The following CARD14 variants were observed in gnomAD, a reference collection of about 807,000 sequenced individuals.
CARD14 encodes the protein caspase recruitment domain-containing protein 14.
Under a neutral mutation model 111.5 loss-of-function variants are expected in CARD14, and 107 were observed. That is an observed-to-expected ratio of 0.96 (90% CI 0.82 to 1.13). The LOEUF is 1.13. Ranked by LOEUF, CARD14 falls within the 50% of genes most tolerant of loss-of-function variation. CARD14 has a pLI of 0.00. For synonymous variants in CARD14, 617 were observed against 579.6 expected (o/e 1.06, Z -0.93); for missense variants, 1,322 against 1,362.3 (o/e 0.97, Z 0.47).
rs531888447 is a variant in CARD14, at chr17:80,195,294, G to A, written c.1460G>A (p.Arg487Gln). 22 of 1,612,896 alleles carry A rather than the reference G, an allele frequency of 1.4e-5. No homozygotes were observed. The highest frequency in any genetic ancestry group is 1.1e-4 in the South Asian group (10 of 91,062). ...CCCAGCCAGCAGTCCCTGTACAAGCGGGTGGCCGAGGACTTCGGGGAAGAA... is the reference window on the plus strand; with the variant it reads ...CCCAGCCAGCAGTCCCTGTACAAGCAGGTGGCCGAGGACTTCGGGGAAGAA... Reference protein sequence around the residue: ...APPSQQSLYKRVAEDFGEEPW... With the variant: ...APPSQQSLYKQVAEDFGEEPW... The change falls in exon 13 of 24, where the codon CGG becomes CAG. Residue 487 changes from arginine to glutamine, a missense_variant. Arg to Gln is a conservative substitution (Grantham distance 43). Coordinates refer to ENST00000648509, the MANE Select transcript of CARD14 (RefSeq NM_001366385.1). The surrounding 1 kb of genome is among the most constrained non-coding windows in gnomAD (Gnocchi z 4.7).
At chr17:80,185,422 A>AAT (rs2040314208) in intron 7 of CARD14, among the ~76,000 whole-genome samples, 1 of 152,074 alleles carries the variant, frequency 6.6e-6, no homozygotes, top group Admixed American at 6.6e-5. Flanking sequence ...AATAATTCCA[A>AAT]ATATATATTT....
chr17:80,171,196 TCCCTCCCTC>T (rs2039893305), intron 1 of CARD14, among the ~76,000 whole-genome samples: 4 of 50,296 alleles, frequency 8.0e-5, no homozygotes. Context: ...CCTCCCTCCC[TCCCTCCCTC>T]CCTTCCTTCC....
chr17:80,192,776 CAG>C (rs373252669), intron 12 of CARD14, among the ~76,000 whole-genome samples, 157 bp downstream of exon 12: 31 of 152,272 alleles, frequency 2.0e-4, no homozygotes, highest in African/African-American at 7.5e-4. Context: ...TTTTTTGAGA[CAG>C]AGTCTCCTCT....
At position 80,191,389 on chromosome 17, in the gene CARD14, C is replaced by T. The variant is rs746925458; in HGVS notation, c.1156C>T (p.Arg386Cys). 40 of 1,613,770 alleles carry T rather than the reference C, an allele frequency of 2.5e-5. No individual in the cohort carries two copies. Among genetic ancestry groups the T allele is most frequent in the African/African-American group, 1.1e-4 (8 of 74,924 alleles). Residue 386 changes from arginine to cysteine, a missense_variant, in exon 11 of 24, where the codon CGC (arginine) becomes TGC (cysteine). Physicochemically the swap from Arg to Cys is radical, Grantham distance 180. Coordinates refer to ENST00000648509, the MANE Select transcript of CARD14 (RefSeq NM_001366385.1). ...GAGCCTGGTGGAGAAGGACTCCCTC[C>T]GCAGGCAGGTGTTCGAGCTGACGGA... is the stretch of plus-strand genomic sequence containing the variant. ...SQSLVEKDSL[R>C]RQVFELTDQV... is the part of the protein sequence containing the mutation.
chr17:80,175,955 T>G (rs1400313493), intron 2 of CARD14, among the ~76,000 whole-genome samples: 17 of 11,352 alleles, frequency 1.5e-3, no homozygotes, highest in South Asian at 7.6e-3. Context: ...TCGGATCGTT[T>G]TTTTTTTTTT....
Position 80,203,628 on chromosome 17 carries a change from T to G in CARD14, c.2220-194T>G. ...GGGGTGGGCCGAGGCCCTGGAGTCT[T>G]TTGAAAGCTCTGGAGACTGGCATGG... is the stretch of plus-strand genomic sequence containing the variant. On this transcript the variant is annotated intron_variant, in intron 18 of 23. Coordinates refer to ENST00000648509, the MANE Select transcript of CARD14 (RefSeq NM_001366385.1). The surrounding 1 kb of genome is among the most constrained non-coding windows in gnomAD (Gnocchi z 4.6). 2 of 522,496 alleles carry G rather than the reference T, an allele frequency of 3.8e-6. No individual in the cohort carries two copies. The highest frequency in any genetic ancestry group is 6.8e-6 in the Non-Finnish European group (2 of 293,900). 32.4% of individuals were successfully genotyped at this position (522,496 alleles called of 1,614,324 possible).
At position 80,201,825 on chromosome 17, in the gene CARD14, A is replaced by C. The variant is rs1301128400; in HGVS notation, c.1933A>C (p.Arg645=). The change falls in exon 17 of 24, where the codon AGG becomes CGG. Residue 645 remains arginine (R), a synonymous_variant. Coordinates refer to ENST00000648509, the MANE Select transcript of CARD14 (RefSeq NM_001366385.1). The surrounding 1 kb of genome is among the most constrained non-coding windows in gnomAD (Gnocchi z 5.0). Reference sequence around the variant, plus strand: ...GGAGGAGGCCGTGGGGCTTCTCAGGAGGGTGGACGGCTTCTGCTGCCTGTC... The same window carrying C: ...GGAGGAGGCCGTGGGGCTTCTCAGGCGGGTGGACGGCTTCTGCTGCCTGTC... ...TLEEAVGLLR[R]VDGFCCLSVK... is the part of the protein sequence containing the mutation. 20 of 1,613,872 alleles carry C rather than the reference A, an allele frequency of 1.2e-5. No homozygotes were observed. The highest frequency in any genetic ancestry group is 8.5e-7 in the Non-Finnish European group (1 of 1,179,958).
Position 80,183,761 on chromosome 17 carries a change from T to C in CARD14, c.350-152T>C, listed in dbSNP as rs537303658. On this transcript the variant is annotated intron_variant, in intron 6 of 23. Coordinates refer to ENST00000648509, the MANE Select transcript of CARD14 (RefSeq NM_001366385.1). Reference sequence around the variant, plus strand: ...ATGCCCACCCGCCCACATGCTCAGCTGCCCACATGCTCACCCGCCCACATG... The same window carrying C: ...ATGCCCACCCGCCCACATGCTCAGCCGCCCACATGCTCACCCGCCCACATG... The C allele has an allele frequency of 1.1e-5, 6 of 542,812 alleles. 1 individual carries two copies. Among genetic ancestry groups the C allele is most frequent in the African/African-American group, 4.0e-5 (2 of 50,200 alleles). 33.6% of individuals were successfully genotyped at this position (542,812 alleles called of 1,614,324 possible).
At chr17:80,187,871 C>T in intron 7 of CARD14, 1 of 985,582 alleles carries the variant, frequency 1.0e-6, no homozygotes, top group Admixed American at 6.1e-5. Flanking sequence ...ACACAGACTG[C>T]AAGTCAACAC....
intron 16 of CARD14, among the ~76,000 whole-genome samples, chr17:80,199,746 G>A (rs1319113704): frequency 6.7e-6 from 1 of 149,752 alleles, no homozygotes; most frequent in African/African-American, 2.5e-5. Context: ...AAAAATAGCT[G>A]GTATCTATAA....
Position 80,205,518 on chromosome 17 carries a change from A to T in CARD14, c.2570-13A>T. Reference sequence around the variant, plus strand: ...AGCTGGTCTATGATGGCCCCGTCCAATGTCACCTGTAGAGTACTTGAGCCA... The same window carrying T: ...AGCTGGTCTATGATGGCCCCGTCCATTGTCACCTGTAGAGTACTTGAGCCA... On this transcript the variant is annotated splice_polypyrimidine_tract_variant and intron_variant, in intron 21 of 23. Transcript: ENST00000648509. The T allele has an allele frequency of 6.3e-7, 1 of 1,581,870 alleles. No homozygotes were observed. Among genetic ancestry groups the T allele is most frequent in the Non-Finnish European group, 8.6e-7 (1 of 1,163,152 alleles).
intron 12 of CARD14, among the ~76,000 whole-genome samples, chr17:80,194,324 G>A (rs1227627570): frequency 6.6e-6 from 1 of 152,140 alleles, no homozygotes; most frequent in Non-Finnish European, 1.5e-5. Context: ...GTCCTCAGAT[G>A]TACATCTGAC....
In CARD14 at chr17:80,182,598, G is replaced by T. The variant is rs112948236; in HGVS notation, c.212-55G>T. 1.2e-5 allele frequency: 19 copies of T among 1,600,240 alleles called. No individual in the cohort carries two copies. The highest frequency in any genetic ancestry group is 1.5e-5 in the Non-Finnish European group (17 of 1,171,942). Reference sequence around the variant, plus strand: ...CCCCCGTGGGGAAGCCAGCCAGGGAGCCCAGCCCCCTTGGTAGCTGGGTTC... The same window carrying T: ...CCCCCGTGGGGAAGCCAGCCAGGGATCCCAGCCCCCTTGGTAGCTGGGTTC... On this transcript the variant is annotated intron_variant, in intron 5 of 23. Coordinates refer to ENST00000648509, the MANE Select transcript of CARD14 (RefSeq NM_001366385.1). The surrounding 1 kb of genome is among the most constrained non-coding windows in gnomAD (Gnocchi z 4.7).
intron 2 of CARD14, among the ~76,000 whole-genome samples, chr17:80,175,126 C>T (rs183123924): frequency 2.6e-4 from 39 of 152,204 alleles, no homozygotes; most frequent in Middle Eastern, 3.4e-3. Context: ...CACAGGCTCA[C>T]GCTACCATGC....
intron 18 of CARD14, chr17:80,202,640 A>T: frequency 7.2e-7 from 1 of 1,393,286 alleles, no homozygotes; most frequent in Non-Finnish European, 9.3e-7. Flanking sequence ...AACATTCTAG[A>T]TCTGGGTTTC....
Position 80,182,859 on chromosome 17 carries a change from G to C in CARD14, c.349+69G>C. ...CCTCAGGCTCCTGGTAACCCCAGGT[G>C]CCCCGCTTACTTGCCGATTTGCCCT... is the stretch of plus-strand genomic sequence containing the variant. On this transcript the variant is annotated intron_variant, in intron 6 of 23. Coordinates refer to ENST00000648509, the MANE Select transcript of CARD14 (RefSeq NM_001366385.1). The surrounding 1 kb of genome is among the most constrained non-coding windows in gnomAD (Gnocchi z 4.7). The C allele has an allele frequency of 6.3e-7, 1 of 1,589,108 alleles. No individual in the cohort carries two copies. The highest frequency in any genetic ancestry group is 8.6e-7 in the Non-Finnish European group (1 of 1,162,452).
rs115133865 is a variant in CARD14 at position 80,194,348 on chromosome 17, C to G, written c.1357-843C>G. ...TGTACATCTGACACTGTCAAAGGAC[C>G]TGGCACATAGTAGCTACTCCAGGAA... is the stretch of plus-strand genomic sequence containing the variant. On this transcript the variant is annotated intron_variant, in intron 12 of 23. Transcript: ENST00000648509. Among the ~76,000 whole-genome samples, 661 of 152,336 alleles carry G rather than the reference C, an allele frequency of 4.3e-3. 3 individuals are homozygous for G. Among genetic ancestry groups the G allele is most frequent in the African/African-American group, 0.015 (608 of 41,566 alleles).
intron 16 of CARD14, among the ~76,000 whole-genome samples, chr17:80,199,224 G>A (rs1037895590): frequency 2.6e-5 from 4 of 152,072 alleles, no homozygotes; most frequent in Admixed American, 6.6e-5. Context: ...CAGGTGTGGT[G>A]GCTCACGCCT....
chr17:80,191,190 A>C (rs1040871253), intron 10 of CARD14, 133 bp from the exon 11 acceptor site: 3 of 1,134,608 alleles, frequency 2.6e-6, no homozygotes, highest in Non-Finnish European at 3.8e-6. Context: ...AATGAATCTT[A>C]AGTTTGCACA....
Sources: gnomAD v4.1 joint callset for allele counts (sites outside exome capture counted in the v4.1 genomes callset) on GRCh38, gnomAD v4.1.1 for gene constraint, Gnocchi (gnomAD v3.1) non-coding constraint, MANE v1.5 for transcripts, NCBI Gene and HGNC (gene_info 2026-07-23, HGNC 2026-07-21) for gene names.